SCFD2: variants seen among roughly 807,000 people sequenced by gnomAD.
SCFD2 encodes the protein sec1 family domain-containing protein 2.
In SCFD2, 54 loss-of-function variants were observed where a neutral mutation model predicts 58.9. The observed-to-expected ratio is 0.92, with a 90% confidence interval of 0.74 to 1.15. The LOEUF is 1.15. SCFD2 is among the 50% of genes most tolerant of loss of function. The pLI, the probability that SCFD2 is intolerant of heterozygous loss-of-function variation, is 0.00. For missense variants in SCFD2, 805 were observed against 836.6 expected (o/e 0.96, Z 0.47); for synonymous variants, 321 against 335.9 (o/e 0.96, Z 0.49).
At chr4:52,993,061 C>A (rs1721658957) in intron 5 of SCFD2, among the ~76,000 whole-genome samples, 1 of 152,216 alleles carries the variant, frequency 6.6e-6, no homozygotes, top group East Asian at 1.9e-4. Flanking sequence ...AAAAATTCTT[C>A]TGCCTTGGGA....
intron 5 of SCFD2, among the ~76,000 whole-genome samples, chr4:53,063,288 T>A (rs1723566721): frequency 6.6e-6 from 1 of 152,158 alleles, no homozygotes; most frequent in South Asian, 2.1e-4. Flanking sequence ...GGGTAATCAA[T>A]CTTTATATTA....
chr4:53,028,087 A>G (rs1722523222), intron 5 of SCFD2, among the ~76,000 whole-genome samples: 1 of 151,792 alleles, frequency 6.6e-6, no homozygotes, highest in Non-Finnish European at 1.5e-5. Flanking sequence ...TCTCTACTAA[A>G]AATACAAAAA....
chr4:52,946,684 A>C (rs1438442686), intron 5 of SCFD2, among the ~76,000 whole-genome samples: 1 of 152,156 alleles, frequency 6.6e-6, no homozygotes, highest in Non-Finnish European at 1.5e-5. Context: ...TAATTTCTAG[A>C]AAATCTTAAG....
chr4:53,329,588 C>A (rs1379546812), intron 2 of SCFD2, among the ~76,000 whole-genome samples: 1 of 151,816 alleles, frequency 6.6e-6, no homozygotes, highest in Admixed American at 6.6e-5. Flanking sequence ...ACCAAAAACC[C>A]ATCTGTACAT....
At chr4:53,051,171 C>T (rs1349631107) in intron 5 of SCFD2, among the ~76,000 whole-genome samples, 1 of 152,122 alleles carries the variant, frequency 6.6e-6, no homozygotes, top group East Asian at 1.9e-4. Flanking sequence ...GTATTGAACA[C>T]AATAATGAAT....
intron 5 of SCFD2, among the ~76,000 whole-genome samples, chr4:52,984,281 A>G (rs1338974559): frequency 1.3e-5 from 2 of 152,234 alleles, no homozygotes; most frequent in African/African-American, 4.8e-5. Flanking sequence ...CATTTACAAT[A>G]TTAAAATCAC....
rs528384036 is a variant in SCFD2 at position 53,135,478 on chromosome 4, A to G, written c.1561+9855T>C. Among the ~76,000 whole-genome samples, 20 of 152,310 alleles carry G rather than the reference A, an allele frequency of 1.3e-4. No homozygotes were observed. The South Asian group carries it at 1.5e-3, about 11-fold the overall frequency. ...AGGCTAGGCGTGGTGGCTCACGCCT[A>G]TAATCCCAGCACTTTGGGAGGCCGA... On this transcript the variant is annotated intron_variant, in intron 5 of 8. Coordinates refer to ENST00000401642, the MANE Select transcript of SCFD2 (RefSeq NM_152540.4).
At chr4:53,254,547 C>A (rs1465090426) in intron 4 of SCFD2, among the ~76,000 whole-genome samples, 1 of 150,998 alleles carries the variant, frequency 6.6e-6, no homozygotes, top group Non-Finnish European at 1.5e-5. Context: ...CCATGTTGGC[C>A]AGGCTGGTCT....
intron 5 of SCFD2, among the ~76,000 whole-genome samples, chr4:52,930,950 C>T (rs897830478): frequency 1.3e-5 from 2 of 152,158 alleles, no homozygotes; most frequent in African/African-American, 4.8e-5. Flanking sequence ...AGATCTCTCA[C>T]AGCGTTTCGA....
chr4:52,894,960 C>T (rs1718965635), intron 7 of SCFD2, among the ~76,000 whole-genome samples: 1 of 152,176 alleles, frequency 6.6e-6, no homozygotes, highest in South Asian at 2.1e-4. Context: ...GCAAACAGGT[C>T]TTTCACTAAC....
intron 5 of SCFD2, among the ~76,000 whole-genome samples, chr4:53,094,929 A>G (rs1464410078): frequency 6.6e-6 from 1 of 152,136 alleles, no homozygotes; most frequent in African/African-American, 2.4e-5. Flanking sequence ...GTCACAAAAT[A>G]CAATGGTCAA....
At chr4:53,054,749 G>A (rs1723277922) in intron 5 of SCFD2, among the ~76,000 whole-genome samples, 1 of 152,008 alleles carries the variant, frequency 6.6e-6, no homozygotes, top group Admixed American at 6.6e-5. Context: ...GACCTCCTGG[G>A]CTTAAGCGAT....
intron 5 of SCFD2, among the ~76,000 whole-genome samples, chr4:53,125,620 C>T (rs1200007824): frequency 6.6e-6 from 1 of 152,234 alleles, no homozygotes; most frequent in African/African-American, 2.4e-5. Context: ...GCACACATGC[C>T]TGACGGCAGG....
intron 4 of SCFD2, among the ~76,000 whole-genome samples, chr4:53,197,993 GTACTTAA>G (rs1382293294): frequency 6.6e-6 from 1 of 151,986 alleles, no homozygotes; most frequent in East Asian, 1.9e-4. Flanking sequence ...GAAACTATTT[GTACTTAA>G]TGCTTGGCTT....
rs1248029404 is a variant in SCFD2 at position 53,238,309 on chromosome 4, AC to A, written c.1311+35516del. On this transcript the variant is annotated intron_variant, in intron 4 of 8. Transcript: ENST00000401642. ...GGGGCAGCTGGCCGGGTGGGGGCTG[AC>A]CCCCCCACCTCCCTCCTGGACGGGG... Among the ~76,000 whole-genome samples, 380 of 77,182 alleles carry A rather than the reference AC, an allele frequency of 4.9e-3. 5 individuals carry two copies. Among genetic ancestry groups the A allele is most frequent in the African/African-American group, 0.02 (363 of 18,088 alleles). The allele number at this position is 77,182 out of a possible 152,430, so 50.6% of individuals were successfully genotyped here.
At chr4:53,308,673 T>C (rs1255778890) in intron 3 of SCFD2, among the ~76,000 whole-genome samples, 2 of 152,312 alleles carry the variant, frequency 1.3e-5, no homozygotes, top group Non-Finnish European at 2.9e-5. Flanking sequence ...AGTAGAACAC[T>C]CTCAATGCTG....
chr4:53,279,197 C>T (rs1731432324), intron 3 of SCFD2, among the ~76,000 whole-genome samples: 4 of 152,078 alleles, frequency 2.6e-5, no homozygotes, highest in Admixed American at 2.6e-4. Flanking sequence ...ATTTTAAAAG[C>T]CATAAAACAA....
chr4:52,885,674 A>T, intron 8 of SCFD2, 73 bp downstream of exon 8: 1 of 1,567,976 alleles, frequency 6.4e-7, no homozygotes, highest in Non-Finnish European at 8.7e-7. Flanking sequence ...TGGGACCCAT[A>T]GGTGGAGGGC....
At chr4:53,294,220 C>CAATGAT (rs1371710744) in intron 3 of SCFD2, among the ~76,000 whole-genome samples, 4 of 152,210 alleles carry the variant, frequency 2.6e-5, no homozygotes, top group African/African-American at 4.8e-5. Context: ...AATCACCACA[C>CAATGAT]TGTCTTCCAC....
Sources: gnomAD v4.1 joint callset for allele counts (sites outside exome capture counted in the v4.1 genomes callset) on GRCh38, gnomAD v4.1.1 for gene constraint, MANE v1.5 for transcripts, NCBI Gene and HGNC (gene_info 2026-07-23, HGNC 2026-07-21) for gene names.